Variants in STX17 observed in about 807,000 individuals in gnomAD.
STX17 encodes syntaxin-17.
STX17 carries 29 observed loss-of-function variants against 35.9 expected under a neutral mutation model. The observed-to-expected ratio is 0.81, with a 90% confidence interval of 0.60 to 1.10. The LOEUF is 1.10. STX17 is among the 50% of genes least tolerant of loss of function. The pLI is 0.00. For missense variants in STX17, 312 were observed against 352.3 expected (o/e 0.89, Z 0.92); for synonymous variants, 92 against 118.3 (o/e 0.78, Z 1.44).
At chr9:99,937,334 T>C (rs1457119548) in intron 3 of STX17, among the ~76,000 whole-genome samples, 1 of 152,186 alleles carries the variant, frequency 6.6e-6, no homozygotes, top group Non-Finnish European at 1.5e-5. Flanking sequence ...ATTATTCATA[T>C]ATTTTTCTGT....
At chr9:99,967,877 G>A (rs1829947433) in intron 7 of STX17, 138 bp downstream of exon 7, 1 of 701,138 alleles carries the variant, frequency 1.4e-6, no homozygotes, top group African/African-American at 1.8e-5. Flanking sequence ...CACATAGGTA[G>A]TGTAAGAAAT....
chr9:99,952,760 C>G (rs1382771842), intron 4 of STX17, among the ~76,000 whole-genome samples: 1 of 151,838 alleles, frequency 6.6e-6, no homozygotes, highest in African/African-American at 2.4e-5. Flanking sequence ...AATCATCATT[C>G]TCAGTAAACT....
chr9:99,928,121 T>A (rs1006030486), intron 2 of STX17, among the ~76,000 whole-genome samples: 2 of 152,176 alleles, frequency 1.3e-5, no homozygotes. Context: ...AAATAACATA[T>A]GATATTTGGT....
chr9:99,916,383 G>C (rs1446015669), intron 2 of STX17, among the ~76,000 whole-genome samples: 1 of 151,134 alleles, frequency 6.6e-6, no homozygotes, highest in East Asian at 1.9e-4. Context: ...TTAAGCTGCA[G>C]AACCTCCATT....
At chr9:99,965,484 G>A (rs539856476) in intron 6 of STX17, among the ~76,000 whole-genome samples, 81 of 152,214 alleles carry the variant, frequency 5.3e-4, no homozygotes, top group Non-Finnish European at 9.3e-4. Context: ...AACATATGAC[G>A]GCTGATGGTA....
In STX17 at chr9:99,951,267, A is replaced by G; in HGVS notation, c.397A>G (p.Arg133Gly). The G allele has an allele frequency of 6.2e-7, 1 of 1,612,652 alleles. No homozygotes were observed. Among genetic ancestry groups the G allele is most frequent in the Non-Finnish European group, 8.5e-7 (1 of 1,178,890 alleles). The stretch of plus-strand genomic sequence containing the variant: ...AACTTTGCTACAGCCTCCTTTGACC[A>G]GATCCATGACTGTTGGTGGTAATGT... ...EETLLQPPLTRSMTVGGAFHT... is the reference protein window; with the variant it reads ...EETLLQPPLTGSMTVGGAFHT... Residue 133 changes from arginine (R) to glycine (G), a missense_variant, in exon 4 of 8, where the codon AGA becomes GGA. Transcript: ENST00000259400.
At chr9:99,955,077 G>A (rs1349750865) in intron 4 of STX17, among the ~76,000 whole-genome samples, 1 of 152,046 alleles carries the variant, frequency 6.6e-6, no homozygotes, top group Non-Finnish European at 1.5e-5. Context: ...AATCTGATTT[G>A]TATTTAGAAA....
At chr9:99,921,822 T>C (rs1587914547) in intron 2 of STX17, among the ~76,000 whole-genome samples, 1 of 152,224 alleles carries the variant, frequency 6.6e-6, no homozygotes, top group East Asian at 1.9e-4. Flanking sequence ...GTAATTTCCC[T>C]GGGCCTGTTG....
In STX17 at chr9:99,971,860, A is replaced by G. The variant is rs568901463; in HGVS notation, c.*3187A>G. Among the ~76,000 whole-genome samples the G allele has an allele frequency of 3.3e-5, 5 of 152,236 alleles. No individual in the cohort carries two copies. The East Asian group carries it at 5.8e-4, about 18-fold the overall frequency. ...ACATAGTGAGACTCTTGTCTGTATG[A>G]AAAAAATTAAGAATTAGCTGGGTGT... On this transcript the variant is annotated 3_prime_UTR_variant, in exon 8 of 8. Coordinates refer to ENST00000259400, the MANE Select transcript of STX17 (RefSeq NM_017919.3).
chr9:99,907,037 G>A (rs1280048597), intron 1 of STX17: 2 of 152,256 alleles, frequency 1.3e-5, no homozygotes, highest in Non-Finnish European at 2.9e-5. Context: ...GCTGGCGTCT[G>A]GGTCCCGGGA....
intron 1 of STX17, 94 bp downstream of exon 1, chr9:99,906,800 G>A (rs1828556820): frequency 6.6e-6 from 1 of 152,308 alleles, no homozygotes; most frequent in Non-Finnish European, 1.5e-5. Flanking sequence ...GAGGCGCTGG[G>A]CGGCAAGTAG....
chr9:99,922,195 C>T (rs1302098715), intron 2 of STX17, among the ~76,000 whole-genome samples: 2 of 152,116 alleles, frequency 1.3e-5, no homozygotes, highest in African/African-American at 4.8e-5. Context: ...TTTGTTTTGC[C>T]TTTCAGATTA....
chr9:99,939,875 G>A (rs1429817368), intron 3 of STX17, among the ~76,000 whole-genome samples: 1 of 152,184 alleles, frequency 6.6e-6, no homozygotes, highest in Non-Finnish European at 1.5e-5. Flanking sequence ...TGCCAACACT[G>A]CACCATCTGC....
chr9:99,953,369 C>T (rs1461631393), intron 4 of STX17, among the ~76,000 whole-genome samples: 2 of 152,082 alleles, frequency 1.3e-5, no homozygotes, highest in African/African-American at 4.8e-5. Context: ...TTCACATGCA[C>T]TGTAACCACC....
In STX17 at chr9:99,951,178, C is replaced by G. The variant is rs566091922; in HGVS notation, c.308C>G (p.Ala103Gly). The G allele has an allele frequency of 6.2e-7, 1 of 1,613,118 alleles. No homozygotes were observed. The highest frequency in any genetic ancestry group is 2.2e-5 in the East Asian group (1 of 44,850). ...AAAGAAGAAGCATCAGCAGCAACAG[C>G]AGAATTTCTCCAACTCCATTTGGAA... ...PVKEEASAATAEFLQLHLESV... is the reference protein window; with the variant it reads ...PVKEEASAATGEFLQLHLESV... The change falls in exon 4 of 8, where the codon GCA (alanine) becomes GGA (glycine). Residue 103 changes from alanine (A) to glycine (G), a missense_variant. Physicochemically the swap from Ala to Gly is moderately conservative, Grantham distance 60. Transcript: ENST00000259400.
chr9:99,913,353 T>G (rs918840661), intron 1 of STX17, among the ~76,000 whole-genome samples: 3 of 152,068 alleles, frequency 2.0e-5, no homozygotes, highest in African/African-American at 7.2e-5. Context: ...TTTTATCTTC[T>G]TTTTTATACT....
chr9:99,925,742 C>T (rs959281842), intron 2 of STX17, among the ~76,000 whole-genome samples: 12 of 151,966 alleles, frequency 7.9e-5, no homozygotes, highest in Non-Finnish European at 1.3e-4. Context: ...TTTGTTTCTT[C>T]GTATTTCATG....
intron 3 of STX17, among the ~76,000 whole-genome samples, chr9:99,932,302 G>GA (rs920846738): frequency 7.9e-4 from 121 of 152,248 alleles, no homozygotes; most frequent in African/African-American, 2.7e-3. Flanking sequence ...GGTTACAGAG[G>GA]TCCAAGAAAA....
chr9:99,949,653 T>A (rs1247141533), intron 3 of STX17, among the ~76,000 whole-genome samples: 2 of 151,968 alleles, frequency 1.3e-5, no homozygotes, highest in Non-Finnish European at 2.9e-5. Flanking sequence ...ACTTAACTGG[T>A]CTGTCTACTG....
Sources: allele counts gnomAD v4.1 joint callset (sites outside exome capture counted in the v4.1 genomes callset), GRCh38; gene constraint gnomAD v4.1.1; transcripts MANE v1.5; gene names NCBI Gene and HGNC (gene_info 2026-07-23, HGNC 2026-07-21).